Variants in VPS37B observed in about 807,000 individuals in gnomAD.
The protein encoded by VPS37B is vacuolar protein sorting-associated protein 37B.
Under a neutral mutation model 21.2 loss-of-function variants are expected in VPS37B, and 11 were observed. The observed-to-expected ratio is 0.52, with a 90% CI of 0.33 to 0.86. The LOEUF is 0.86. VPS37B is among the 40% of genes least tolerant of loss of function. The pLI is 0.03. For missense variants in VPS37B, 389 were observed against 374.8 expected (o/e 1.04, Z -0.31); for synonymous variants, 175 against 159.6 (o/e 1.10, Z -0.73).
intron 1 of VPS37B, 86 bp downstream of exon 1, chr12:122,895,866 C>T: frequency 8.0e-7 from 1 of 1,244,790 alleles, no homozygotes; most frequent in Non-Finnish European, 1.2e-6. Flanking sequence ...GGAGGCGCCG[C>T]GGTCGCCTCC....
rs1193290529 is a variant in VPS37B, at chr12:122,866,325, A to G, written c.*791T>C. The G allele has an allele frequency of 1.3e-5, 2 of 152,652 alleles. No homozygotes were observed. Among genetic ancestry groups the G allele is most frequent in the African/African-American group, 2.4e-5 (1 of 41,460 alleles). The allele number at this position is 152,652 out of a possible 1,614,324, so 9.5% of individuals were successfully genotyped here. A position where few individuals can be genotyped will look rare whatever the true frequency, so the allele number is the denominator to read the frequency against. On this transcript the variant is annotated 3_prime_UTR_variant, in exon 4 of 4. Transcript: ENST00000267202. ...CCTGAATGGTCTTGGGAGTGTCAAA[A>G]AAGTTTTTTCAATATAAAACAGGAA...
chr12:122,879,192 G>A (rs2034208262), intron 1 of VPS37B: 1 of 152,380 alleles, frequency 6.6e-6, no homozygotes, highest in African/African-American at 2.4e-5. Context: ...TGCCCAGTTT[G>A]TGGTCATGTT....
chr12:122,891,643 C>G (rs1279354233), intron 1 of VPS37B, among the ~76,000 whole-genome samples: 3 of 152,196 alleles, frequency 2.0e-5, no homozygotes, highest in Non-Finnish European at 2.9e-5. Context: ...TAAAAACAAA[C>G]TCCAGTAGTA....
intron 2 of VPS37B, among the ~76,000 whole-genome samples, chr12:122,869,600 C>A (rs1184070238): frequency 6.6e-6 from 1 of 151,858 alleles, no homozygotes; most frequent in South Asian, 2.1e-4. Flanking sequence ...AACCTCACTG[C>A]AGAAGGTGAT....
intron 1 of VPS37B, chr12:122,871,475 A>C (rs1434292650): frequency 2.0e-6 from 2 of 989,430 alleles, no homozygotes; most frequent in Admixed American, 6.0e-5. Flanking sequence ...ACTTATCAGC[A>C]GGAGACCAGT....
chr12:122,892,021 G>A (rs550676348), intron 1 of VPS37B, among the ~76,000 whole-genome samples: 1 of 152,280 alleles, frequency 6.6e-6, no homozygotes, highest in South Asian at 2.1e-4. Context: ...AATTCAAGAG[G>A]TCCGGTTTAG....
intron 1 of VPS37B, chr12:122,886,345 G>A (rs992048549): frequency 6.6e-6 from 1 of 152,234 alleles, no homozygotes; most frequent in Non-Finnish European, 1.5e-5. Context: ...CTCTTGGCCG[G>A]TGTGGTGGCT....
intron 1 of VPS37B, among the ~76,000 whole-genome samples, chr12:122,893,810 G>A (rs183624836): frequency 2.5e-5 from 3 of 119,640 alleles, no homozygotes; most frequent in African/African-American, 3.3e-5. Context: ...CAGGTATGAA[G>A]GTCACTTTTA....
At chr12:122,884,185 T>C (rs1165264504) in intron 1 of VPS37B, 3 of 152,218 alleles carry the variant, frequency 2.0e-5, no homozygotes, top group African/African-American at 7.2e-5. Flanking sequence ...AAAAATCTGT[T>C]GTCAATGTTT....
chr12:122,867,467 G>A lies in VPS37B; in HGVS notation c.507C>T (p.Leu169=), dbSNP rs771120302. ...GGGGCAGCGGGGCCAGGGCCTGTGG[G>A]AGTCTCTGCCCCTTTAGGACCATCT... The part of the protein sequence containing the change: ...LQEMVLKGQR[L]PQALAPLPPR... The change falls in exon 4 of 4, where the codon CTC becomes CTT. Residue 169 remains leucine, a synonymous_variant. Transcript: ENST00000267202. This position sits in a 1 kb window ranked among gnomAD's most constrained non-coding sequence, Gnocchi z 5.5. 3.1e-6 allele frequency: 5 copies of A among 1,613,900 alleles called. No homozygotes were observed. Among genetic ancestry groups the A allele is most frequent in the Non-Finnish European group, 4.2e-6 (5 of 1,180,000 alleles).
Position 122,867,644 on chromosome 12 carries a change from G to A in VPS37B, c.367-37C>T, listed in dbSNP as rs1170678498. ...AGAAACCTGGTTACAGGGACAGCCA[G>A]ATGGGGAGGATGCTCCCTTCGTGGT... is the stretch of plus-strand genomic sequence containing the variant. On this transcript the variant is annotated intron_variant, in intron 3 of 3. Transcript: ENST00000267202. The surrounding 1 kb of genome is among the most constrained non-coding windows in gnomAD (Gnocchi z 5.5). The A allele has an allele frequency of 1.9e-6, 3 of 1,604,842 alleles. No homozygotes were observed. The South Asian group carries it at 3.3e-5, about 18-fold the overall frequency.
intron 1 of VPS37B, among the ~76,000 whole-genome samples, chr12:122,893,852 G>A (rs775959934): frequency 6.8e-6 from 1 of 146,516 alleles, no homozygotes; most frequent in African/African-American, 2.5e-5. Flanking sequence ...AAAAAATCCT[G>A]CCAGATGAAT....
chr12:122,867,280 C>T lies in VPS37B; in HGVS notation c.694G>A (p.Ala232Thr). 1 of 1,573,776 alleles carries T rather than the reference C, an allele frequency of 6.4e-7. No individual in the cohort carries two copies. Among genetic ancestry groups the T allele is most frequent in the African/African-American group, 1.4e-5 (1 of 73,250 alleles). ...PFTAAMSSGQ[A>T]VPYPGLQCPP... ...CACTGTAATCCTGGGTACGGCACGG[C>T]CTGTCCCGAACTCATGGCCGCAGTA... The change falls in exon 4 of 4, where the codon GCC becomes ACC. Residue 232 changes from alanine (A) to threonine (T), a missense_variant. Transcript: ENST00000267202. This position sits in a 1 kb window ranked among gnomAD's most constrained non-coding sequence, Gnocchi z 5.5.
chr12:122,885,534 A>T (rs1232826895), intron 1 of VPS37B: 1 of 152,096 alleles, frequency 6.6e-6, no homozygotes, highest in Admixed American at 6.5e-5. Flanking sequence ...AAATCATCCC[A>T]AAAGGGAACA....
intron 1 of VPS37B, chr12:122,886,643 CTTT>C (rs1470480495): frequency 1.3e-5 from 2 of 152,114 alleles, no homozygotes; most frequent in African/African-American, 4.8e-5. Flanking sequence ...CCATGGAACT[CTTT>C]TTAATGTAAT....
intron 1 of VPS37B, chr12:122,881,470 G>A (rs752386892): frequency 1.3e-5 from 2 of 152,252 alleles, no homozygotes; most frequent in African/African-American, 2.4e-5. Context: ...CAGGTATGGT[G>A]GCTCATGGCT....
At chr12:122,895,014 C>T (rs2034470080) in intron 1 of VPS37B, among the ~76,000 whole-genome samples, 1 of 152,116 alleles carries the variant, frequency 6.6e-6, no homozygotes, top group African/African-American at 2.4e-5. Flanking sequence ...GCAACCCTTA[C>T]AGAAAAACGT....
At chr12:122,884,254 T>C (rs995801715) in intron 1 of VPS37B, 1 of 152,224 alleles carries the variant, frequency 6.6e-6, no homozygotes, top group Non-Finnish European at 1.5e-5. Flanking sequence ...CTTTTTCCAA[T>C]AGGCCACGCC....
chr12:122,892,110 G>T (rs2034421244), intron 1 of VPS37B, among the ~76,000 whole-genome samples: 1 of 152,092 alleles, frequency 6.6e-6, no homozygotes, highest in African/African-American at 2.4e-5. Context: ...ACAGATGAAG[G>T]CACATTCCAC....
Sources: gnomAD v4.1 joint callset for allele counts (sites outside exome capture counted in the v4.1 genomes callset) on GRCh38, gnomAD v4.1.1 for gene constraint, Gnocchi (gnomAD v3.1) non-coding constraint, MANE v1.5 for transcripts, NCBI Gene and HGNC (gene_info 2026-07-23, HGNC 2026-07-21) for gene names.